The following CLUH variants were observed in gnomAD, a reference collection of about 807,000 sequenced individuals.
The protein encoded by CLUH is clustered mitochondria protein homolog.
CLUH carries 77 observed loss-of-function variants against 139.3 expected under a neutral mutation model. The ratio of observed to expected loss-of-function variants is 0.55; its 90% confidence interval spans 0.46 to 0.67. The LOEUF (loss-of-function observed/expected upper bound fraction) is 0.67, where lower values mean the gene tolerates loss of function less well. Ranked by LOEUF, CLUH falls within the 30% of genes least tolerant of loss-of-function variation. CLUH has a pLI of 0.00. For missense variants in CLUH, 1,876 were observed against 1,875.8 expected (o/e 1.00, Z 0.00); for synonymous variants, 999 against 801.6 (o/e 1.25, Z -4.16).
chr17:2,700,344 C>T (rs766858920), intron 9 of CLUH, 38 bp downstream of exon 9: 43 of 1,562,024 alleles, frequency 2.8e-5, no homozygotes, highest in East Asian at 4.6e-5. Context: ...AGGTGGACAG[C>T]GGGCCTCAGA....
intron 10 of CLUH, among the ~76,000 whole-genome samples, chr17:2,697,425 C>T (rs1260178436): frequency 6.6e-6 from 1 of 151,276 alleles, no homozygotes; most frequent in Non-Finnish European, 1.5e-5. Flanking sequence ...AAGGCAGCTG[C>T]GTTCTGGAGG....
At chr17:2,699,304 A>G (rs2070091112) in intron 9 of CLUH, among the ~76,000 whole-genome samples, 2 of 152,116 alleles carry the variant, frequency 1.3e-5, no homozygotes, top group South Asian at 4.1e-4. Flanking sequence ...TACAATTATC[A>G]TCTCTAGGCA....
chr17:2,711,517 C>G, intron 1 of CLUH, 45 bp downstream of exon 1: 50 of 156,076 alleles, frequency 3.2e-4, no homozygotes, highest in Non-Finnish European at 5.9e-4. Context: ...CCGCCCTGGT[C>G]CGGCGCCCCC....
Position 2,695,011 on chromosome 17 carries a change from C to T in CLUH, c.2698G>A (p.Ala900Thr), listed in dbSNP as rs368569828. ...SYPNPVAHLP[A>T]DELVSKKRNK... ...CGCTTCTTGGAGACCAGCTCGTCGGCGGGCAGGTGGGCCACGGGGTTTGGG... is the reference window on the plus strand; with the variant it reads ...CGCTTCTTGGAGACCAGCTCGTCGGTGGGCAGGTGGGCCACGGGGTTTGGG... Residue 900 changes from alanine to threonine, a missense_variant, in exon 16 of 26, where the codon GCC becomes ACC. Transcript: ENST00000651024. 65 of 1,613,486 alleles carry T rather than the reference C, an allele frequency of 4.0e-5. No homozygotes were observed. Among genetic ancestry groups the T allele is most frequent in the African/African-American group, 1.1e-4 (8 of 74,916 alleles).
rs575758988 is a variant in CLUH at position 2,706,540 on chromosome 17, G to A, written c.101-1976C>T. Among the ~76,000 whole-genome samples, 1 of 152,232 alleles carries A rather than the reference G, an allele frequency of 6.6e-6. No individual in the cohort carries two copies. The highest frequency in any genetic ancestry group is 2.1e-4 in the South Asian group (1 of 4,830). On this transcript the variant is annotated intron_variant, in intron 1 of 25. Coordinates refer to ENST00000651024, the MANE Select transcript of CLUH (RefSeq NM_001366661.1). The surrounding 1 kb of genome is among the most constrained non-coding windows in gnomAD (Gnocchi z 4.6). ...CTCCAAGCCTGCAGTGGACTCCCAG[G>A]AACCACGAGGATGTACAAAGACCTC... is the stretch of plus-strand genomic sequence containing the variant.
rs1244794141 is a variant in CLUH at position 2,696,182 on chromosome 17, G to A, written c.2368C>T (p.Leu790Phe). 1.3e-6 allele frequency: 2 copies of A among 1,566,608 alleles called. No homozygotes were observed. The highest frequency in any genetic ancestry group is 1.2e-5 in the South Asian group (1 of 84,936). ...QLLKDAAAFL[L>F]SCQIPGLVKD... ...ACCAAGCCAGGGATCTGGCAGGAGA[G>A]CAGGAAGGCAGCCGCGTCCTTCAGC... The change falls in exon 13 of 26, where the codon CTC becomes TTC. Residue 790 changes from leucine (L) to phenylalanine (F), a missense_variant. Physicochemically the swap from Leu to Phe is conservative, Grantham distance 22. Transcript: ENST00000651024.
rs1597627879 is a variant in CLUH at position 2,707,366 on chromosome 17, C to A, written c.101-2802G>T. 1 of 985,422 alleles carries A rather than the reference C, an allele frequency of 1.0e-6. No individual in the cohort carries two copies. The highest frequency in any genetic ancestry group is 1.1e-4 in the East Asian group (1 of 8,802). 61.0% of individuals were successfully genotyped at this position (985,422 alleles called of 1,614,324 possible). On this transcript the variant is annotated intron_variant, in intron 1 of 25. Coordinates refer to ENST00000651024, the MANE Select transcript of CLUH (RefSeq NM_001366661.1). This position sits in a 1 kb window ranked among gnomAD's most constrained non-coding sequence, Gnocchi z 7.4. ...GGCTGGCTTCGGGTTTCAGTGGGGCCAGGCCTGCCATGGCAGCCCCAGGAA... is the reference window on the plus strand; with the variant it reads ...GGCTGGCTTCGGGTTTCAGTGGGGCAAGGCCTGCCATGGCAGCCCCAGGAA...
Position 2,703,311 on chromosome 17 carries a change from G to A in CLUH, c.475+7C>T. ...CCCCGGGCAGGCTGTCCAACTTCCA[G>A]ACCAACCTTCCACCACACGCAGCAC... On this transcript the variant is annotated splice_region_variant and intron_variant, in intron 3 of 25. Transcript: ENST00000651024. The surrounding 1 kb of genome is among the most constrained non-coding windows in gnomAD (Gnocchi z 4.2). 1 of 1,605,966 alleles carries A rather than the reference G, an allele frequency of 6.2e-7. No homozygotes were observed. The highest frequency in any genetic ancestry group is 8.5e-7 in the Non-Finnish European group (1 of 1,175,682).
Position 2,692,597 on chromosome 17 carries a change from C to T in CLUH, c.3412G>A (p.Asp1138Asn). The T allele has an allele frequency of 1.9e-6, 3 of 1,612,532 alleles. No homozygotes were observed. Among genetic ancestry groups the T allele is most frequent in the South Asian group, 1.1e-5 (1 of 91,074 alleles). ...RYLMLLVFGE[D>N]HPEMALLDNN... ...TCCAGCAGCGCCATCTCGGGGTGGT[C>T]TTCCCCGAACACCAGCAGCATGAGG... The change falls in exon 21 of 26, where the codon GAC becomes AAC. Residue 1138 changes from aspartate to asparagine, a missense_variant. Physicochemically the swap from Asp to Asn is conservative, Grantham distance 23 (BLOSUM62 1). Around this residue, in one of 3 missense-constraint regions of CLUH, gnomAD observed 1,454 missense variants for 1,384.4 expected, o/e 1.05. Coordinates refer to ENST00000651024, the MANE Select transcript of CLUH (RefSeq NM_001366661.1).
rs1016963407 is a variant in CLUH, at chr17:2,707,347, C to G, written c.101-2783G>C. ...GGCCCGGGGCTGGAGCTCCGGCTGG[C>G]TTCGGGTTTCAGTGGGGCCAGGCCT... On this transcript the variant is annotated intron_variant, in intron 1 of 25. Transcript: ENST00000651024. This position sits in a 1 kb window ranked among gnomAD's most constrained non-coding sequence, Gnocchi z 7.4. 48 of 985,258 alleles carry G rather than the reference C, an allele frequency of 4.9e-5. No homozygotes were observed. Among genetic ancestry groups the G allele is most frequent in the Non-Finnish European group, 5.2e-5 (43 of 829,918 alleles). 61.0% of individuals were successfully genotyped at this position (985,258 alleles called of 1,614,324 possible).
At position 2,691,978 on chromosome 17, in the gene CLUH, GCCCCCGCCA is replaced by G; in HGVS notation, c.3654+17_3654+25del. 6 of 489,672 alleles carry G rather than the reference GCCCCCGCCA, an allele frequency of 1.2e-5. No homozygotes were observed. The highest frequency in any genetic ancestry group is 1.5e-4 in the South Asian group (2 of 13,790). 30.3% of individuals were successfully genotyped at this position (489,672 alleles called of 1,614,324 possible). A position where few individuals can be genotyped will look rare whatever the true frequency, so the allele number is the denominator to read the frequency against. On this transcript the variant is annotated intron_variant, in intron 23 of 25. Transcript: ENST00000651024. ...CCCGCCACGCCCCCGCCCCGCCCCC[GCCCCCGCCA>G]CGCCCCCGCCGCGCACCTGCGTCTT...
In CLUH at chr17:2,692,707, G is replaced by A. The variant is rs774651555; in HGVS notation, c.3313-11C>T. On this transcript the variant is annotated splice_polypyrimidine_tract_variant and intron_variant, in intron 20 of 25. Coordinates refer to ENST00000651024, the MANE Select transcript of CLUH (RefSeq NM_001366661.1). ...CAGGGCCAGGTGCATCTGCGGGCGGGGCGGAGACAGGTCAGGGTGGCCGCG... is the reference window on the plus strand; with the variant it reads ...CAGGGCCAGGTGCATCTGCGGGCGGAGCGGAGACAGGTCAGGGTGGCCGCG... The A allele has an allele frequency of 6.8e-6, 11 of 1,608,944 alleles. No homozygotes were observed. The highest frequency in any genetic ancestry group is 9.3e-6 in the Non-Finnish European group (11 of 1,177,258).
intron 19 of CLUH, 46 bp downstream of exon 19, chr17:2,693,854 C>T: frequency 1.3e-6 from 2 of 1,563,906 alleles, no homozygotes; most frequent in East Asian, 2.4e-5. Context: ...CACTCCCCAT[C>T]CCCCAACACG....
Position 2,701,733 on chromosome 17 carries a change from GCTGT to G in CLUH, c.620_623del (p.Asp207AlafsTer46). 6.4e-7 allele frequency: 1 copy of G among 1,562,636 alleles called. No individual in the cohort carries two copies. Among genetic ancestry groups the G allele is most frequent in the Non-Finnish European group, 8.7e-7 (1 of 1,154,176 alleles). ...TCTCCAAGCCCTTCTTCCGCTTCCC[GCTGT>G]CTGAGGGACCCGAGGCTGGTGGTCA... On this transcript the variant is annotated frameshift_variant and splice_region_variant, in exon 5 of 26. Transcript: ENST00000651024. LOFTEE classifies it high-confidence loss of function.
chr17:2,692,110 G>A lies in CLUH; in HGVS notation c.3561-13C>T, dbSNP rs1333821395. The A allele has an allele frequency of 3.1e-6, 5 of 1,589,068 alleles. No individual in the cohort carries two copies. Among genetic ancestry groups the A allele is most frequent in the Non-Finnish European group, 4.3e-6 (5 of 1,168,836 alleles). On this transcript the variant is annotated splice_polypyrimidine_tract_variant and intron_variant, in intron 22 of 25. Transcript: ENST00000651024. Reference sequence around the variant, plus strand: ...GACAAGGTGGTGGCTGCCGGGAGGCGCGGCGCGGGGCGAGGGAAGGGCATA... The same window carrying A: ...GACAAGGTGGTGGCTGCCGGGAGGCACGGCGCGGGGCGAGGGAAGGGCATA...
At chr17:2,698,712 C>T (rs1001075553) in intron 9 of CLUH, 122 bp from the exon 10 acceptor site, 4 of 897,154 alleles carry the variant, frequency 4.5e-6, no homozygotes, top group Admixed American at 2.9e-5. Context: ...CCCAAGGACC[C>T]GGAGCCTCAG....
chr17:2,697,807 C>G, intron 10 of CLUH, 89 bp downstream of exon 10: 1 of 1,238,314 alleles, frequency 8.1e-7, no homozygotes, highest in Admixed American at 2.9e-5. Context: ...CAGCGCTTCT[C>G]CCTTCAAGGA....
rs778351446 is a variant in CLUH, at chr17:2,701,209, G to C, written c.956C>G (p.Ser319Cys). 8 of 1,613,968 alleles carry C rather than the reference G, an allele frequency of 5.0e-6. No individual in the cohort carries two copies. The highest frequency in any genetic ancestry group is 1.6e-4 in the Middle Eastern group (1 of 6,062). ...KPASPRFLSH[S>C]LVELLNQISP... is the part of the protein sequence containing the mutation. ...GATCTGGTTGAGCAGCTCCACTAGG[G>C]AATGGCTTAGGAAGCGGGGGCTGGC... The change falls in exon 7 of 26, where the codon TCC becomes TGC. Residue 319 changes from serine to cysteine, a missense_variant. This residue lies in a region of CLUH where 270 missense variants were observed against 354.7 expected (regional missense o/e 0.76). Coordinates refer to ENST00000651024, the MANE Select transcript of CLUH (RefSeq NM_001366661.1).
rs1489002241 is a variant in CLUH, at chr17:2,696,189, G to C, written c.2361C>G (p.Ala787=). The C allele has an allele frequency of 1.3e-6, 2 of 1,569,882 alleles. No individual in the cohort carries two copies. The highest frequency in any genetic ancestry group is 1.9e-5 in the Admixed American group (1 of 53,378). Residue 787 remains alanine (A), a synonymous_variant, in exon 13 of 26, where the codon GCC becomes GCG. Coordinates refer to ENST00000651024, the MANE Select transcript of CLUH (RefSeq NM_001366661.1). ...CAGGGATCTGGCAGGAGAGCAGGAA[G>C]GCAGCCGCGTCCTTCAGCAGCTGCT... is the stretch of plus-strand genomic sequence containing the variant. ...DQKQLLKDAA[A]FLLSCQIPGL... is the part of the protein sequence containing the mutation.
Sources: allele counts gnomAD v4.1 joint callset (sites outside exome capture counted in the v4.1 genomes callset), GRCh38; gene constraint gnomAD v4.1.1; regional missense constraint gnomAD v4.1.1; non-coding constraint Gnocchi (gnomAD v3.1); transcripts MANE v1.5; gene names NCBI Gene and HGNC (gene_info 2026-07-23, HGNC 2026-07-21).